Variants in CACNG2 observed in about 807,000 individuals in gnomAD.
CACNG2 encodes voltage-dependent calcium channel gamma-2 subunit.
In CACNG2, 3 loss-of-function variants were observed where a neutral mutation model predicts 25.9. That is an observed-to-expected ratio of 0.12 (90% CI 0.05 to 0.30). The LOEUF is 0.30. Ranked by LOEUF, CACNG2 falls within the 10% of genes least tolerant of loss-of-function variation. The probability of loss-of-function intolerance (pLI) is 1.00; values close to 1 mark genes in which losing one functional copy is unlikely to be tolerated. For synonymous variants in CACNG2, 167 were observed against 173.3 expected (o/e 0.96, Z 0.29); for missense variants, 341 against 432.5 (o/e 0.79, Z 1.88).
intron 1 of CACNG2, among the ~76,000 whole-genome samples, chr22:36,640,693 G>A (rs989198620): frequency 6.6e-6 from 1 of 152,152 alleles, no homozygotes; most frequent in African/African-American, 2.4e-5. Flanking sequence ...TCTCCCAAAG[G>A]GCCTCTTTGT....
At chr22:36,635,350 A>G (rs1936340557) in intron 1 of CACNG2, among the ~76,000 whole-genome samples, 1 of 152,136 alleles carries the variant, frequency 6.6e-6, no homozygotes, top group Non-Finnish European at 1.5e-5. Flanking sequence ...GGGAGAATGA[A>G]CATATATATT....
Position 36,580,432 on chromosome 22 carries a change from G to A in CACNG2, c.295+7033C>T, listed in dbSNP as rs117489776. On this transcript the variant is annotated intron_variant, in intron 2 of 3. Transcript: ENST00000300105. Reference sequence around the variant, plus strand: ...GCGCAACTGGGTGTACCTCTCTTGTGTGTGTTGTGGGGAGCTGAGTGGGGG... The same window carrying A: ...GCGCAACTGGGTGTACCTCTCTTGTATGTGTTGTGGGGAGCTGAGTGGGGG... 5.3e-4 allele frequency among the ~76,000 whole-genome samples: 81 copies of A among 152,256 alleles called. 1 individual carries two copies. The East Asian group carries it at 0.013, about 25-fold the overall frequency.
intron 1 of CACNG2, among the ~76,000 whole-genome samples, chr22:36,612,745 C>T (rs5995319): frequency 0.036 from 5,433 of 152,288 alleles, 150 homozygotes; most frequent in Middle Eastern, 0.086. Context: ...CCCCCTCCAC[C>T]ACCTTCCAGC....
chr22:36,574,431 G>A (rs1935281424), intron 2 of CACNG2, among the ~76,000 whole-genome samples: 1 of 152,138 alleles, frequency 6.6e-6, no homozygotes, highest in Non-Finnish European at 1.5e-5. Context: ...TGCCAGCTGG[G>A]TGGAAAAAAC....
chr22:36,620,785 T>C (rs1193732795), intron 1 of CACNG2, among the ~76,000 whole-genome samples: 1 of 152,250 alleles, frequency 6.6e-6, no homozygotes, highest in African/African-American at 2.4e-5. Flanking sequence ...CACATTTGCA[T>C]TATTTACCAG....
intron 2 of CACNG2, among the ~76,000 whole-genome samples, chr22:36,578,959 C>T (rs145245420): frequency 0.027 from 4,035 of 152,112 alleles, 74 homozygotes; most frequent in Middle Eastern, 0.061. Context: ...TGAAACAGAC[C>T]GGCAATAGAG....
intron 1 of CACNG2, among the ~76,000 whole-genome samples, chr22:36,655,583 C>T (rs1251031473): frequency 6.6e-6 from 1 of 152,214 alleles, no homozygotes; most frequent in Admixed American, 6.5e-5. Context: ...GGCTGGCACA[C>T]ATTAGGTATT....
At chr22:36,584,655 T>A (rs1935471224) in intron 2 of CACNG2, 1 of 152,240 alleles carries the variant, frequency 6.6e-6, no homozygotes, top group Admixed American at 6.5e-5. Flanking sequence ...ATGAATTGGC[T>A]CTGGTGCCAC....
At chr22:36,608,910 G>T (rs765955682) in intron 1 of CACNG2, among the ~76,000 whole-genome samples, 1 of 152,096 alleles carries the variant, frequency 6.6e-6, no homozygotes, top group Non-Finnish European at 1.5e-5. Context: ...TATTATTGTT[G>T]TTGTTATCAC....
chr22:36,644,717 C>T (rs184909666), intron 1 of CACNG2, among the ~76,000 whole-genome samples: 5 of 152,182 alleles, frequency 3.3e-5, no homozygotes, highest in African/African-American at 1.2e-4. Context: ...TAATACTGAC[C>T]CCAAAACAAG....
At chr22:36,627,161 C>T (rs1402568825) in intron 1 of CACNG2, among the ~76,000 whole-genome samples, 1 of 149,072 alleles carries the variant, frequency 6.7e-6, no homozygotes, top group Non-Finnish European at 1.5e-5. Flanking sequence ...CCCACTCCCT[C>T]CCCTCCCATC....
At chr22:36,690,472 G>A (rs186067025) in intron 1 of CACNG2, among the ~76,000 whole-genome samples, 93 of 152,256 alleles carry the variant, frequency 6.1e-4, no homozygotes, top group Non-Finnish European at 9.7e-4. Context: ...AACTGCTAGC[G>A]TCATAAATAA....
Position 36,563,091 on chromosome 22 carries a change from A to G in CACNG2, c.*1260T>C, listed in dbSNP as rs1935056381. 6.6e-6 allele frequency among the ~76,000 whole-genome samples: 1 copy of G among 151,704 alleles called. No homozygotes were observed. The highest frequency in any genetic ancestry group is 2.1e-4 in the South Asian group (1 of 4,818). On this transcript the variant is annotated 3_prime_UTR_variant, in exon 4 of 4. Coordinates refer to ENST00000300105, the MANE Select transcript of CACNG2 (RefSeq NM_006078.5). ...TTGCAAGTAAATCCACTTATTTTGTATTTACATTTATTTATAGTCTGTGGT... is the reference window on the plus strand; with the variant it reads ...TTGCAAGTAAATCCACTTATTTTGTGTTTACATTTATTTATAGTCTGTGGT...
intron 1 of CACNG2, among the ~76,000 whole-genome samples, chr22:36,627,396 G>T (rs2145955196): frequency 6.6e-6 from 1 of 151,626 alleles, no homozygotes; most frequent in South Asian, 2.1e-4. Flanking sequence ...AATGAAAATA[G>T]CATTATACTT....
chr22:36,630,029 G>C (rs1346707366), intron 1 of CACNG2, among the ~76,000 whole-genome samples: 1 of 152,170 alleles, frequency 6.6e-6, no homozygotes, highest in African/African-American at 2.4e-5. Context: ...ATTTTGGGGA[G>C]AGGGAACAGC....
chr22:36,601,988 C>T (rs1402637092), intron 1 of CACNG2, among the ~76,000 whole-genome samples: 2 of 152,116 alleles, frequency 1.3e-5, no homozygotes, highest in African/African-American at 4.8e-5. Flanking sequence ...CACTCGTTAT[C>T]TCATGTCTTT....
At chr22:36,672,692 C>A (rs1232993523) in intron 1 of CACNG2, among the ~76,000 whole-genome samples, 2 of 152,222 alleles carry the variant, frequency 1.3e-5, no homozygotes, top group Non-Finnish European at 2.9e-5. Flanking sequence ...CTGCAAAGCC[C>A]ATTCTTCCCA....
chr22:36,641,339 T>A (rs1351667065), intron 1 of CACNG2, among the ~76,000 whole-genome samples: 1 of 151,938 alleles, frequency 6.6e-6, no homozygotes, highest in African/African-American at 2.4e-5. Flanking sequence ...AGATAGCCAA[T>A]AGATGTTTCT....
At chr22:36,673,769 G>A (rs576785446) in intron 1 of CACNG2, among the ~76,000 whole-genome samples, 35 of 152,212 alleles carry the variant, frequency 2.3e-4, no homozygotes, top group African/African-American at 7.2e-4. Flanking sequence ...CGTGGACAGA[G>A]CACTTTACAG....
Sources: gnomAD v4.1 joint callset for allele counts (sites outside exome capture counted in the v4.1 genomes callset) on GRCh38, gnomAD v4.1.1 for gene constraint, MANE v1.5 for transcripts, NCBI Gene and HGNC (gene_info 2026-07-23, HGNC 2026-07-21) for gene names.